ANKLE2: variants seen among roughly 807,000 people sequenced by gnomAD.
The protein encoded by ANKLE2 is ankyrin repeat and LEM domain-containing protein 2.
In ANKLE2, 55 loss-of-function variants were observed where a neutral mutation model predicts 84.2. The observed-to-expected ratio is 0.65, with a 90% confidence interval of 0.53 to 0.82. The LOEUF (loss-of-function observed/expected upper bound fraction) is 0.82. ANKLE2 is among the 40% of genes least tolerant of loss of function. ANKLE2 has a pLI of 0.00. For synonymous variants in ANKLE2, 551 were observed against 486.1 expected (o/e 1.13, Z -1.76); for missense variants, 1,238 against 1,201.9 (o/e 1.03, Z -0.44).
Position 132,727,442 on chromosome 12 carries a change from A to G in ANKLE2, c.2617T>C (p.Trp873Arg). The G allele has an allele frequency of 6.4e-7, 1 of 1,553,456 alleles. No homozygotes were observed. The highest frequency in any genetic ancestry group is 8.7e-7 in the Non-Finnish European group (1 of 1,148,394). ...LCYSPSDRQS[W>R]PSPAVKGRFK... ...CTTCCTTTCACCGCGGGACTGGGCC[A>G]ACTGCGGAAAGCAAGAAAGAACTGT... Residue 873 changes from tryptophan (W) to arginine (R), a missense_variant and splice_region_variant, in exon 13 of 13, where the codon TGG (tryptophan) becomes CGG (arginine). Trp to Arg is a moderately radical substitution (Grantham distance 101). Around this residue, in one of 3 missense-constraint regions of ANKLE2, gnomAD observed 802 missense variants for 774.5 expected, o/e 1.04. Coordinates refer to ENST00000357997, the MANE Select transcript of ANKLE2 (RefSeq NM_015114.3).
At chr12:132,746,339 ACT>A (rs1451897462) in intron 5 of ANKLE2, among the ~76,000 whole-genome samples, 3 of 140,796 alleles carry the variant, frequency 2.1e-5, no homozygotes, top group Admixed American at 7.3e-5. Context: ...ACAGAGCAAG[ACT>A]CTGTCTCAAA....
chr12:132,741,372 C>T lies in ANKLE2; in HGVS notation c.1420+47G>A, dbSNP rs746557269. The stretch of plus-strand genomic sequence containing the variant: ...CTGTGTCCCCCAACGCTCCAAGGCC[C>T]TTCCCGGCGTGGACCCCACGATCCA... On this transcript the variant is annotated intron_variant, in intron 7 of 12. Coordinates refer to ENST00000357997, the MANE Select transcript of ANKLE2 (RefSeq NM_015114.3). 5.6e-5 allele frequency: 90 copies of T among 1,597,714 alleles called. 1 individual carries two copies. The Admixed American group carries it at 1.5e-3, about 26-fold the overall frequency.
chr12:132,748,882 T>TAC (rs1555241284), intron 3 of ANKLE2: 2,474 of 148,544 alleles, frequency 0.017, 35 homozygotes, highest in Non-Finnish European at 0.025. Flanking sequence ...TATATATATA[T>TAC]ACACACGTAT....
At chr12:132,728,228 A>C in intron 11 of ANKLE2, 65 bp from the exon 12 acceptor site, 9 of 1,555,006 alleles carry the variant, frequency 5.8e-6, no homozygotes, top group South Asian at 2.3e-5. Context: ...CTAAAATACC[A>C]CTACTTTTTT....
At chr12:132,748,615 C>G (rs2044290727) in intron 3 of ANKLE2, among the ~76,000 whole-genome samples, 1 of 152,122 alleles carries the variant, frequency 6.6e-6, no homozygotes, top group South Asian at 2.1e-4. Flanking sequence ...AGCGCGCCCC[C>G]ATGAGCACAG....
At chr12:132,749,629 C>T (rs2044313751) in intron 3 of ANKLE2, among the ~76,000 whole-genome samples, 1 of 152,318 alleles carries the variant, frequency 6.6e-6, no homozygotes, top group South Asian at 2.1e-4. Flanking sequence ...GAGTACCAGC[C>T]CGCCAGGGAA....
chr12:132,761,738 C>G lies in ANKLE2; in HGVS notation c.61G>C (p.Ala21Pro). ...CGCACAGCGATCAGCAGCACCGAGG[C>G]GCCCAGCAGCTCCCAGGCCAGCGCC... Reference protein sequence around the residue: ...WAALAWELLGASVLLIAVRWL... With the variant: ...WAALAWELLGPSVLLIAVRWL... The change falls in exon 1 of 13, where the codon GCC becomes CCC. Residue 21 changes from alanine (A) to proline (P), a missense_variant. Coordinates refer to ENST00000357997, the MANE Select transcript of ANKLE2 (RefSeq NM_015114.3). 7.6e-7 allele frequency: 1 copy of G among 1,307,270 alleles called. No homozygotes were observed. Among genetic ancestry groups the G allele is most frequent in the Non-Finnish European group, 9.8e-7 (1 of 1,020,622 alleles). The allele number at this position is 1,307,270 out of a possible 1,614,324, so 81.0% of individuals were successfully genotyped here. A position where few individuals can be genotyped will look rare whatever the true frequency, so the allele number is the denominator to read the frequency against.
chr12:132,753,067 C>G (rs536618697), intron 2 of ANKLE2, among the ~76,000 whole-genome samples: 2 of 151,388 alleles, frequency 1.3e-5, no homozygotes, highest in East Asian at 2.0e-4. Flanking sequence ...CCCAGCACTT[C>G]GGGAGGCTGA....
chr12:132,751,302 T>C (rs1407199787), intron 2 of ANKLE2: 1 of 154,854 alleles, frequency 6.5e-6, no homozygotes, highest in Non-Finnish European at 1.4e-5. Context: ...TCAAGTGCAG[T>C]GGCACGATCT....
chr12:132,759,116 CACGCAGAGTGGCA>C lies in ANKLE2; in HGVS notation c.181+2489_181+2501del, dbSNP rs1566041887. 9 of 42,224 alleles carry C rather than the reference CACGCAGAGTGGCA, an allele frequency of 2.1e-4. 1 individual carries two copies. Among genetic ancestry groups the C allele is most frequent in the Non-Finnish European group, 4.3e-4 (9 of 21,092 alleles). 2.6% of individuals were successfully genotyped at this position (42,224 alleles called of 1,614,324 possible). On this transcript the variant is annotated intron_variant, in intron 1 of 12. Coordinates refer to ENST00000357997, the MANE Select transcript of ANKLE2 (RefSeq NM_015114.3). ...GGGGCACCCACGTGGCAGAGTGGAT[CACGCAGAGTGGCA>C]CCCCGGGGCACCCACGTGGCAGAGA... is the stretch of plus-strand genomic sequence containing the variant.
intron 12 of ANKLE2, 60 bp from the exon 13 acceptor site, chr12:132,727,503 A>C: frequency 1.3e-6 from 2 of 1,538,942 alleles, no homozygotes; most frequent in South Asian, 2.4e-5. Flanking sequence ...TGAACAGCAA[A>C]AGTCGGAGAA....
chr12:132,743,113 T>G lies in ANKLE2; in HGVS notation c.1353+41A>C. 1 of 1,532,730 alleles carries G rather than the reference T, an allele frequency of 6.5e-7. No homozygotes were observed. The highest frequency in any genetic ancestry group is 8.8e-7 in the Non-Finnish European group (1 of 1,133,286). The allele number at this position is 1,532,730 out of a possible 1,614,324, so 94.9% of individuals were successfully genotyped here. On this transcript the variant is annotated intron_variant, in intron 6 of 12. Transcript: ENST00000357997. The surrounding 1 kb of genome is among the most constrained non-coding windows in gnomAD (Gnocchi z 4.1). The stretch of plus-strand genomic sequence containing the variant: ...AGACTGTAAATTTATATATTTCCAT[T>G]TCTAACTCTAGATAGCAACTGCATT...
chr12:132,746,990 C>T (rs573722539), intron 5 of ANKLE2, among the ~76,000 whole-genome samples: 4 of 152,356 alleles, frequency 2.6e-5, no homozygotes, highest in African/African-American at 9.6e-5. Flanking sequence ...GTCTTTAGCA[C>T]CCTTTAGAAG....
chr12:132,741,351 G>A (rs950389983), intron 7 of ANKLE2, 68 bp downstream of exon 7: 2 of 1,505,230 alleles, frequency 1.3e-6, no homozygotes, highest in Admixed American at 1.7e-5. Flanking sequence ...GCTCTGCTGT[G>A]TCCCCCAACG....
rs2044125021 is a variant in ANKLE2 at position 132,741,637 on chromosome 12, A to G, written c.1354-152T>C. 5 of 759,040 alleles carry G rather than the reference A, an allele frequency of 6.6e-6. No homozygotes were observed. In the Admixed American group the frequency reaches 6.8e-5, roughly 10 times the overall value. 47.0% of individuals were successfully genotyped at this position (759,040 alleles called of 1,614,324 possible). A position where few individuals can be genotyped will look rare whatever the true frequency, so the allele number is the denominator to read the frequency against. On this transcript the variant is annotated intron_variant, in intron 6 of 12. Coordinates refer to ENST00000357997, the MANE Select transcript of ANKLE2 (RefSeq NM_015114.3). ...AAAGCTCACACTCAGAAAACGTGTG[A>G]AGAGTGTGGTCTTTCTAAAAGTCTA...
Position 132,726,944 on chromosome 12 carries a change from GCC to G in ANKLE2, c.*296_*297del, listed in dbSNP as rs1049482862. 1.5e-4 allele frequency: 61 copies of G among 394,844 alleles called. No homozygotes were observed. Among genetic ancestry groups the G allele is most frequent in the African/African-American group, 1.1e-3 (56 of 49,562 alleles). The allele number at this position is 394,844 out of a possible 1,614,324, so 24.5% of individuals were successfully genotyped here. A position where few individuals can be genotyped will look rare whatever the true frequency, so the allele number is the denominator to read the frequency against. Reference sequence around the variant, plus strand: ...GCTGCCTGCCTGCAACTGCCTCAGCGCCCTTTCCTCTGCTATATTTCAGACCT... The same window carrying G: ...GCTGCCTGCCTGCAACTGCCTCAGCGCTTTCCTCTGCTATATTTCAGACCT... On this transcript the variant is annotated 3_prime_UTR_variant, in exon 13 of 13. Coordinates refer to ENST00000357997, the MANE Select transcript of ANKLE2 (RefSeq NM_015114.3).
chr12:132,748,376 A>T (rs780290086), intron 3 of ANKLE2, 45 bp from the exon 4 acceptor site: 2 of 1,608,558 alleles, frequency 1.2e-6, no homozygotes, highest in Non-Finnish European at 1.7e-6. Flanking sequence ...TTTCACCAAA[A>T]GTCACTCATC....
intron 6 of ANKLE2, chr12:132,742,017 A>G (rs1306501723): frequency 3.0e-6 from 1 of 338,690 alleles, no homozygotes; most frequent in Non-Finnish European, 5.7e-6. Flanking sequence ...ACCTTCAAAT[A>G]AAAGGAAAGA....
Position 132,728,156 on chromosome 12 carries a change from G to A in ANKLE2, c.2491C>T (p.Pro831Ser). Residue 831 changes from proline to serine, a missense_variant, in exon 12 of 13, where the codon CCA becomes TCA. Pro to Ser is a moderately conservative substitution (Grantham distance 74). Around this residue, in one of 3 missense-constraint regions of ANKLE2, gnomAD observed 802 missense variants for 774.5 expected, o/e 1.04. Coordinates refer to ENST00000357997, the MANE Select transcript of ANKLE2 (RefSeq NM_015114.3). Reference protein sequence around the residue: ...ARRLFLFGEEPSKLDQDVLAA... With the variant: ...ARRLFLFGEESSKLDQDVLAA... ...AAAACATCCTGATCGAGTTTTGATG[G>A]CTCCTCTCTAGAAAGCACAATAAAA... The A allele has an allele frequency of 2.5e-6, 4 of 1,612,382 alleles. No individual in the cohort carries two copies. The highest frequency in any genetic ancestry group is 3.4e-6 in the Non-Finnish European group (4 of 1,179,804).
Sources: gnomAD v4.1 joint callset for allele counts (sites outside exome capture counted in the v4.1 genomes callset) on GRCh38, gnomAD v4.1.1 for gene constraint, gnomAD v4.1.1 regional missense constraint, Gnocchi (gnomAD v3.1) non-coding constraint, MANE v1.5 for transcripts, NCBI Gene and HGNC (gene_info 2026-07-23, HGNC 2026-07-21) for gene names.